The following MED13L variants were observed in gnomAD, a reference collection of about 807,000 sequenced individuals.
The protein encoded by MED13L is mediator of RNA polymerase II transcription subunit 13-like.
MED13L carries 7 observed loss-of-function variants against 220.9 expected under a neutral mutation model. The observed-to-expected ratio is 0.03, with a 90% CI of 0.02 to 0.06. The LOEUF (loss-of-function observed/expected upper bound fraction) is 0.06, where lower values mean the gene tolerates loss of function less well. Among genes scored for constraint, MED13L ranks in the 10% least tolerant of loss-of-function variants. The probability of loss-of-function intolerance (pLI) is 1.00; values close to 1 mark genes in which losing one functional copy is unlikely to be tolerated. For missense variants in MED13L, 1,965 were observed against 2,760.5 expected, an observed-to-expected ratio of 0.71 and a Z score of 6.46; for synonymous variants, 1,011 against 1,015.2, an observed-to-expected ratio of 1.00 and a Z score of 0.08.
At chr12:116,083,410 A>G (rs1593023409) in intron 4 of MED13L, among the ~76,000 whole-genome samples, 1 of 150,496 alleles carries the variant, frequency 6.6e-6, no homozygotes, top group Admixed American at 6.6e-5. Context: ...GAGGGAAAAA[A>G]AAAAAAAAAA....
In MED13L at chr12:116,029,825, C is replaced by T. The variant is rs147203257; in HGVS notation, c.480-7224G>A. On this transcript the variant is annotated intron_variant, in intron 4 of 30. Transcript: ENST00000281928. The stretch of plus-strand genomic sequence containing the variant: ...ACATGTTTTCTAGTGTATACCATGG[C>T]TTTCCACAAAGAAAGAACGTATCCT... 3.4e-3 allele frequency among the ~76,000 whole-genome samples: 515 copies of T among 152,164 alleles called. 5 individuals carry two copies. The highest frequency in any genetic ancestry group is 0.02 in the Middle Eastern group (6 of 294).
chr12:116,098,452 T>C (rs988820135), intron 3 of MED13L, among the ~76,000 whole-genome samples: 4 of 152,178 alleles, frequency 2.6e-5, no homozygotes, highest in Admixed American at 2.0e-4. Context: ...AAGAGTTATA[T>C]AGCAATTCTT....
At chr12:116,103,476 G>A (rs997446367) in intron 3 of MED13L, among the ~76,000 whole-genome samples, 8 of 151,976 alleles carry the variant, frequency 5.3e-5, no homozygotes, top group African/African-American at 1.9e-4. Flanking sequence ...TTTAGAGATG[G>A]GGGTCTCGCT....
In MED13L at chr12:115,991,232, T is replaced by C. The variant is rs1878040389; in HGVS notation, c.3722A>G (p.Asn1241Ser). ...GTTAGAGGAAATGTAGTCCAGGAAA[T>C]TCAGTGAAGCAAAAGGTTGTGTGTG... The part of the protein sequence containing the change: ...NQHTQPFASL[N>S]FLDYISSNNR... The change falls in exon 17 of 31, where the codon AAT becomes AGT. Residue 1241 changes from asparagine to serine, a missense_variant. By Grantham distance (46) the Asn-to-Ser change is conservative. This residue lies in a region of MED13L where 165 missense variants were observed against 190.8 expected (regional missense o/e 0.86). Coordinates refer to ENST00000281928, the MANE Select transcript of MED13L (RefSeq NM_015335.5). The surrounding 1 kb of genome is among the most constrained non-coding windows in gnomAD (Gnocchi z 7.7). 3 of 1,614,116 alleles carry C rather than the reference T, an allele frequency of 1.9e-6. No individual in the cohort carries two copies. The highest frequency in any genetic ancestry group is 1.7e-5 in the Admixed American group (1 of 60,020).
chr12:116,148,880 A>G (rs1877799189), intron 2 of MED13L, among the ~76,000 whole-genome samples: 1 of 151,870 alleles, frequency 6.6e-6, no homozygotes, highest in South Asian at 2.1e-4. Context: ...CCTTCGATCC[A>G]CTCTTACCAC....
At chr12:116,171,647 C>T (rs934130965) in intron 2 of MED13L, among the ~76,000 whole-genome samples, 1 of 152,134 alleles carries the variant, frequency 6.6e-6, no homozygotes, top group Non-Finnish European at 1.5e-5. Context: ...CACAACACTC[C>T]AGATATCTCT....
In MED13L at chr12:115,975,282, T is replaced by G; in HGVS notation, c.5620A>C (p.Ile1874Leu). The stretch of plus-strand genomic sequence containing the variant: ...CACTCCCATAACTTCTGTAGTCCAA[T>G]TTTACGTGCAGATACTTTACTCCTC... Reference protein sequence around the residue: ...SRRSKVSARKIGLQKLWEWCI... With the variant: ...SRRSKVSARKLGLQKLWEWCI... The change falls in exon 25 of 31, where the codon ATT becomes CTT. Residue 1874 changes from isoleucine to leucine, a missense_variant. Around this residue, in one of 10 missense-constraint regions of MED13L, gnomAD observed 510 missense variants for 620.4 expected, o/e 0.82. Transcript: ENST00000281928. 2 of 1,614,074 alleles carry G rather than the reference T, an allele frequency of 1.2e-6. No homozygotes were observed. The highest frequency in any genetic ancestry group is 1.7e-6 in the Non-Finnish European group (2 of 1,179,986).
intron 4 of MED13L, among the ~76,000 whole-genome samples, chr12:116,079,525 C>G (rs1565866600): frequency 6.6e-6 from 1 of 151,988 alleles, no homozygotes; most frequent in East Asian, 1.9e-4. Context: ...CGCACCCAGC[C>G]TTTTTATTCA....
At chr12:116,240,250 C>T (rs1870495513) in intron 1 of MED13L, among the ~76,000 whole-genome samples, 1 of 151,846 alleles carries the variant, frequency 6.6e-6, no homozygotes. Flanking sequence ...GCGTGCACCA[C>T]CACACCTGGC....
At chr12:116,237,109 AG>A (rs1870154350) in intron 2 of MED13L, among the ~76,000 whole-genome samples, 1 of 152,234 alleles carries the variant, frequency 6.6e-6, no homozygotes, top group Non-Finnish European at 1.5e-5. Flanking sequence ...CCACAGTCCA[AG>A]GAAAAAAACA....
At chr12:116,265,249 T>C (rs893271829) in intron 1 of MED13L, among the ~76,000 whole-genome samples, 4 of 152,206 alleles carry the variant, frequency 2.6e-5, no homozygotes, top group Non-Finnish European at 2.9e-5. Context: ...TTAGATTGTC[T>C]ATTTAAAGCA....
intron 16 of MED13L, 127 bp from the exon 17 acceptor site, chr12:115,992,084 T>G: frequency 1.2e-6 from 1 of 848,044 alleles, no homozygotes; most frequent in East Asian, 2.6e-5. Context: ...TGGGATACAC[T>G]GGTATATTTA....
intron 1 of MED13L, among the ~76,000 whole-genome samples, chr12:116,258,551 C>T (rs1433377987): frequency 1.3e-5 from 2 of 151,924 alleles, no homozygotes; most frequent in African/African-American, 4.8e-5. Flanking sequence ...CCGAGGTGGG[C>T]GGACCACCTC....
intron 3 of MED13L, among the ~76,000 whole-genome samples, chr12:116,097,752 A>G (rs1872733208): frequency 6.6e-6 from 1 of 152,194 alleles, no homozygotes; most frequent in Non-Finnish European, 1.5e-5. Flanking sequence ...GTATTCTAAC[A>G]TGTTTTTTTG....
At chr12:116,082,474 G>A (rs932901708) in intron 4 of MED13L, 1 of 152,096 alleles carries the variant, frequency 6.6e-6, no homozygotes, top group African/African-American at 2.4e-5. Context: ...TTCTGCCTGG[G>A]TTGCTTTTCA....
chr12:116,128,094 A>G (rs1875749240), intron 2 of MED13L, among the ~76,000 whole-genome samples: 2 of 152,164 alleles, frequency 1.3e-5, no homozygotes, highest in African/African-American at 4.8e-5. Context: ...TCACTTTCTC[A>G]TCTATTGCTT....
intron 17 of MED13L, among the ~76,000 whole-genome samples, chr12:115,989,431 C>T (rs1877910577): frequency 6.6e-6 from 1 of 151,968 alleles, no homozygotes. Context: ...CTCTGCCTCA[C>T]CTATACCCGT....
At position 116,102,710 on chromosome 12, in the gene MED13L, C is replaced by CTTTTTTTTTTTTTT. The variant is rs869201518; in HGVS notation, c.396-5972_396-5959dup. Among the ~76,000 whole-genome samples, 143 of 68,670 alleles carry CTTTTTTTTTTTTTT rather than the reference C, an allele frequency of 2.1e-3. 1 individual carries two copies. The highest frequency in any genetic ancestry group is 3.6e-3 in the East Asian group (7 of 1,938). 45.1% of individuals were successfully genotyped at this position (68,670 alleles called of 152,430 possible). Reference sequence around the variant, plus strand: ...TATTTTCTTTTTCTTTTTCTTTTTTCTTTTTTTTTTTTTTTTTTTTTTTTT... The same window carrying CTTTTTTTTTTTTTT: ...TATTTTCTTTTTCTTTTTCTTTTTTCTTTTTTTTTTTTTTTTTTTTTTTTTTTTTTTTTTTTTTT... On this transcript the variant is annotated intron_variant, in intron 3 of 30. Coordinates refer to ENST00000281928, the MANE Select transcript of MED13L (RefSeq NM_015335.5).
intron 2 of MED13L, among the ~76,000 whole-genome samples, chr12:116,123,568 G>A (rs768790630): frequency 9.9e-5 from 15 of 151,954 alleles, no homozygotes; most frequent in Non-Finnish European, 1.5e-4. Flanking sequence ...AAAAACACAC[G>A]CACATGCACA....
Sources: gnomAD v4.1 joint callset for allele counts (sites outside exome capture counted in the v4.1 genomes callset) on GRCh38, gnomAD v4.1.1 for gene constraint, gnomAD v4.1.1 regional missense constraint, Gnocchi (gnomAD v3.1) non-coding constraint, MANE v1.5 for transcripts, NCBI Gene and HGNC (gene_info 2026-07-23, HGNC 2026-07-21) for gene names.